The following CDH18 variants were observed in gnomAD, a reference collection of about 807,000 sequenced individuals.
CDH18 encodes the protein cadherin-18.
In CDH18, 31 loss-of-function variants were observed where a neutral mutation model predicts 67.9. That is an observed-to-expected ratio of 0.46 (90% CI 0.34 to 0.62). The LOEUF (loss-of-function observed/expected upper bound fraction) is 0.62, where lower values mean the gene tolerates loss of function less well. CDH18 is among the 20% of genes least tolerant of loss of function. The pLI is 0.01. For missense variants in CDH18, 890 were observed against 975.5 expected (o/e 0.91, Z 1.17); for synonymous variants, 362 against 347.2 (o/e 1.04, Z -0.48).
intron 1 of CDH18, among the ~76,000 whole-genome samples, chr5:20,391,321 G>A (rs2388420): frequency 0.19 from 28,666 of 151,514 alleles, 2,958 homozygotes; most frequent in African/African-American, 0.25. Context: ...CATAAATCCT[G>A]CATCAGTAGA....
At chr5:20,371,078 T>C (rs1742962483) in intron 1 of CDH18, among the ~76,000 whole-genome samples, 1 of 151,546 alleles carries the variant, frequency 6.6e-6, no homozygotes, top group Non-Finnish European at 1.5e-5. Flanking sequence ...CAATGTATCA[T>C]AGTTGTCAAC....
At chr5:19,584,713 G>A (rs1265023223) in intron 7 of CDH18, among the ~76,000 whole-genome samples, 3 of 142,824 alleles carry the variant, frequency 2.1e-5, no homozygotes, top group South Asian at 2.2e-4. Flanking sequence ...TTTGGGAGGC[G>A]GAAGCTGGCA....
At chr5:19,673,179 T>C (rs1191986585) in intron 5 of CDH18, among the ~76,000 whole-genome samples, 1 of 152,038 alleles carries the variant, frequency 6.6e-6, no homozygotes, top group Admixed American at 6.6e-5. Flanking sequence ...GTTTTTGTTG[T>C]TGAGAAACTT....
chr5:19,976,608 A>ATC (rs1422246192), intron 2 of CDH18, among the ~76,000 whole-genome samples: 1 of 152,162 alleles, frequency 6.6e-6, no homozygotes, highest in East Asian at 1.9e-4. Flanking sequence ...GGTCTCTGAA[A>ATC]AAAGAGGATT....
Position 20,299,556 on chromosome 5 carries a change from C to A in CDH18, c.-579-44051G>T, listed in dbSNP as rs574086214. Among the ~76,000 whole-genome samples, 5 of 151,856 alleles carry A rather than the reference C, an allele frequency of 3.3e-5. No homozygotes were observed. In the South Asian group the frequency reaches 1.0e-3, roughly 32 times the overall value. ...CAGGCAGATCACAAGGTCAGAAGTT[C>A]GAGACCGGCCTGGCCAATATGGTGA... On this transcript the variant is annotated intron_variant, in intron 1 of 14. Transcript: ENST00000507958.
chr5:20,027,344 T>C (rs531527789), intron 2 of CDH18, among the ~76,000 whole-genome samples: 3 of 152,318 alleles, frequency 2.0e-5, no homozygotes, highest in Admixed American at 6.5e-5. Flanking sequence ...AATTAATACA[T>C]ACATATATAG....
chr5:19,758,554 C>G (rs966153435), intron 3 of CDH18, among the ~76,000 whole-genome samples: 1 of 152,186 alleles, frequency 6.6e-6, no homozygotes, highest in Non-Finnish European at 1.5e-5. Context: ...TGTTCTGTAT[C>G]CCACTCATAA....
At chr5:20,169,870 CTTA>C (rs1736562168) in intron 2 of CDH18, among the ~76,000 whole-genome samples, 1 of 151,998 alleles carries the variant, frequency 6.6e-6, no homozygotes, top group African/African-American at 2.4e-5. Context: ...AACTCTACTG[CTTA>C]TTATAATTTG....
chr5:19,564,150 C>T (rs1406540165), intron 8 of CDH18, among the ~76,000 whole-genome samples: 1 of 152,114 alleles, frequency 6.6e-6, no homozygotes, highest in African/African-American at 2.4e-5. Context: ...GCAGTCTGGG[C>T]CAGAAGGACT....
At chr5:20,528,180 T>C (rs2126543848) in intron 1 of CDH18, among the ~76,000 whole-genome samples, 1 of 152,178 alleles carries the variant, frequency 6.6e-6, no homozygotes, top group East Asian at 1.9e-4. Flanking sequence ...CATTACACAA[T>C]GGTAGAAGCT....
chr5:20,075,673 A>T (rs1370461282), intron 2 of CDH18, among the ~76,000 whole-genome samples: 2 of 152,214 alleles, frequency 1.3e-5, no homozygotes, highest in Non-Finnish European at 2.9e-5. Context: ...GGAGAAGGCT[A>T]AGTGTTTGTA....
At chr5:20,157,519 A>C (rs770922490) in intron 2 of CDH18, among the ~76,000 whole-genome samples, 4 of 152,096 alleles carry the variant, frequency 2.6e-5, no homozygotes, top group Non-Finnish European at 5.9e-5. Flanking sequence ...ATGCATAGTG[A>C]TTAATTCAGG....
chr5:20,013,841 T>G (rs940356090), intron 2 of CDH18, among the ~76,000 whole-genome samples: 2 of 152,154 alleles, frequency 1.3e-5, no homozygotes, highest in East Asian at 3.8e-4. Flanking sequence ...TTGTTTGTTC[T>G]TTTTAATATC....
intron 2 of CDH18, among the ~76,000 whole-genome samples, chr5:20,180,110 G>A (rs1188327459): frequency 6.6e-6 from 1 of 152,158 alleles, no homozygotes; most frequent in African/African-American, 2.4e-5. Context: ...GATTCCCCCT[G>A]CAGAGAGCCT....
chr5:20,272,977 A>G (rs923885524), intron 1 of CDH18, among the ~76,000 whole-genome samples: 4 of 152,092 alleles, frequency 2.6e-5, no homozygotes, highest in Admixed American at 1.3e-4. Context: ...CACTAAGAAT[A>G]AACTAGTGAA....
At chr5:19,556,590 T>C (rs1389377289) in intron 8 of CDH18, among the ~76,000 whole-genome samples, 1 of 151,830 alleles carries the variant, frequency 6.6e-6, no homozygotes, top group Admixed American at 6.6e-5. Flanking sequence ...AAAAAAAATT[T>C]AAAAAACGAG....
chr5:19,845,168 T>A (rs997027072), intron 2 of CDH18, among the ~76,000 whole-genome samples: 2 of 136,444 alleles, frequency 1.5e-5, no homozygotes, highest in African/African-American at 4.9e-5. Flanking sequence ...ATGGAATAAT[T>A]CAAAGAATTA....
At chr5:19,702,479 C>A (rs930705562) in intron 5 of CDH18, among the ~76,000 whole-genome samples, 1 of 151,346 alleles carries the variant, frequency 6.6e-6, no homozygotes, top group South Asian at 2.1e-4. Flanking sequence ...CAAAACGTCC[C>A]TTTCAGCCGG....
intron 2 of CDH18, among the ~76,000 whole-genome samples, chr5:20,028,366 C>T (rs1739099316): frequency 6.6e-6 from 1 of 152,104 alleles, no homozygotes; most frequent in Non-Finnish European, 1.5e-5. Context: ...TCTTGGATCA[C>T]TTTCCAGTAT....
Sources: gnomAD v4.1 joint callset for allele counts (sites outside exome capture counted in the v4.1 genomes callset) on GRCh38, gnomAD v4.1.1 for gene constraint, MANE v1.5 for transcripts, NCBI Gene and HGNC (gene_info 2026-07-23, HGNC 2026-07-21) for gene names.